The following EXOC6B variants were observed in gnomAD, a reference collection of about 807,000 sequenced individuals.
The protein encoded by EXOC6B is exocyst complex component 6B.
Under a neutral mutation model 113.5 loss-of-function variants are expected in EXOC6B, and 54 were observed. The ratio of observed to expected loss-of-function variants is 0.48; its 90% CI spans 0.38 to 0.60. The LOEUF is 0.60. Among genes scored for constraint, EXOC6B ranks in the 20% least tolerant of loss-of-function variants. The pLI is 0.00. For missense variants in EXOC6B, 797 were observed against 977.5 expected (o/e 0.82, Z 2.46); for synonymous variants, 357 against 339.0 (o/e 1.05, Z -0.58).
intron 18 of EXOC6B, among the ~76,000 whole-genome samples, chr2:72,387,309 T>A (rs1573009508): frequency 6.6e-6 from 1 of 152,174 alleles, no homozygotes; most frequent in African/African-American, 2.4e-5. Flanking sequence ...TCTTATATTG[T>A]CATTGTTTGA....
intron 20 of EXOC6B, among the ~76,000 whole-genome samples, chr2:72,216,620 C>T (rs1680552076): frequency 6.6e-6 from 1 of 152,152 alleles, no homozygotes; most frequent in Admixed American, 6.5e-5. Flanking sequence ...TATTGCAGCA[C>T]TATTCCAATA....
At chr2:72,780,270 C>A (rs570351946) in intron 1 of EXOC6B, among the ~76,000 whole-genome samples, 1 of 152,086 alleles carries the variant, frequency 6.6e-6, no homozygotes, top group African/African-American at 2.4e-5. Flanking sequence ...ACCTACAATA[C>A]AATGAATTTT....
intron 18 of EXOC6B, among the ~76,000 whole-genome samples, chr2:72,456,730 A>G (rs1015010956): frequency 6.6e-6 from 1 of 152,118 alleles, no homozygotes; most frequent in Non-Finnish European, 1.5e-5. Flanking sequence ...CTGGGATGAC[A>G]TATAACACAT....
At chr2:72,428,085 C>A (rs1412796453) in intron 18 of EXOC6B, among the ~76,000 whole-genome samples, 1 of 152,208 alleles carries the variant, frequency 6.6e-6, no homozygotes, top group Admixed American at 6.5e-5. Context: ...TAGATCTCCT[C>A]TGAGCTGTTC....
intron 20 of EXOC6B, among the ~76,000 whole-genome samples, chr2:72,263,885 C>T (rs763514438): frequency 1.5e-4 from 23 of 152,206 alleles, no homozygotes; most frequent in Non-Finnish European, 2.9e-4. Flanking sequence ...GCTTCTGCTA[C>T]AGGCACTATA....
chr2:72,516,011 C>A (rs542192399), intron 8 of EXOC6B, among the ~76,000 whole-genome samples: 7 of 152,078 alleles, frequency 4.6e-5, no homozygotes, highest in Non-Finnish European at 1.0e-4. Flanking sequence ...GATTGTTGAT[C>A]ACCAGCAGGC....
intron 17 of EXOC6B, among the ~76,000 whole-genome samples, chr2:72,474,172 T>C (rs1698586902): frequency 1.3e-5 from 2 of 152,166 alleles, no homozygotes; most frequent in Non-Finnish European, 2.9e-5. Flanking sequence ...AACTAGATGC[T>C]TTTCTCTTGC....
intron 8 of EXOC6B, among the ~76,000 whole-genome samples, chr2:72,551,519 T>A (rs1293910959): frequency 2.7e-4 from 34 of 127,354 alleles, no homozygotes; most frequent in African/African-American, 1.0e-3. Flanking sequence ...CTTTTTTTTT[T>A]TTTGAGACGG....
chr2:72,512,949 A>T (rs1336730058), intron 11 of EXOC6B, among the ~76,000 whole-genome samples, 183 bp downstream of exon 11: 2 of 152,130 alleles, frequency 1.3e-5, no homozygotes, highest in Non-Finnish European at 2.9e-5. Context: ...GGCTTCTATA[A>T]AAGTGAGCTC....
chr2:72,680,131 T>C (rs1676597043), intron 6 of EXOC6B, among the ~76,000 whole-genome samples: 1 of 152,102 alleles, frequency 6.6e-6, no homozygotes, highest in Non-Finnish European at 1.5e-5. Context: ...ATGCTAACAT[T>C]TGGGGAATCC....
At chr2:72,657,567 C>CTTTTTTTT (rs70963136) in intron 6 of EXOC6B, among the ~76,000 whole-genome samples, 867 of 50,356 alleles carry the variant, frequency 0.017, 103 homozygotes, top group African/African-American at 0.047. Flanking sequence ...CTTTCCTTTT[C>CTTTTTTTT]TTTTTTTTTT....
intron 1 of EXOC6B, among the ~76,000 whole-genome samples, chr2:72,805,305 C>T (rs771661489): frequency 1.2e-4 from 18 of 152,228 alleles, no homozygotes; most frequent in South Asian, 2.1e-4. Context: ...AGTCTGGTAA[C>T]GGACAAATTC....
chr2:72,743,740 T>C (rs1235852606), intron 1 of EXOC6B, among the ~76,000 whole-genome samples: 2 of 152,218 alleles, frequency 1.3e-5, no homozygotes, highest in Non-Finnish European at 2.9e-5. Context: ...CTCTTTGATT[T>C]CTGACATTTG....
chr2:72,636,538 G>A (rs1046745001), intron 6 of EXOC6B, among the ~76,000 whole-genome samples: 10 of 151,780 alleles, frequency 6.6e-5, no homozygotes, highest in Admixed American at 3.3e-4. Context: ...AGGCAGCGGC[G>A]GCAGCAGCCA....
chr2:72,180,736 A>C (rs999652492), intron 21 of EXOC6B, among the ~76,000 whole-genome samples: 16 of 152,146 alleles, frequency 1.1e-4, no homozygotes, highest in Non-Finnish European at 2.2e-4. Context: ...TTTGCAGAGG[A>C]GCAGATTAGA....
At chr2:72,444,762 A>G (rs989982247) in intron 18 of EXOC6B, among the ~76,000 whole-genome samples, 2 of 152,194 alleles carry the variant, frequency 1.3e-5, no homozygotes, top group Non-Finnish European at 2.9e-5. Context: ...GCAGGGCACC[A>G]AGTCCTTAGA....
intron 20 of EXOC6B, among the ~76,000 whole-genome samples, chr2:72,298,549 G>C (rs568021544): frequency 6.6e-6 from 1 of 152,244 alleles, no homozygotes; most frequent in African/African-American, 2.4e-5. Flanking sequence ...TGGTTATTTT[G>C]CCTGTTAGGT....
At chr2:72,630,638 T>C (rs868030688) in intron 6 of EXOC6B, among the ~76,000 whole-genome samples, 1 of 152,244 alleles carries the variant, frequency 6.6e-6, no homozygotes, top group Middle Eastern at 3.4e-3. Flanking sequence ...TTCCACATGA[T>C]ACAATAAATA....
intron 16 of EXOC6B, among the ~76,000 whole-genome samples, chr2:72,487,691 C>G (rs1052866984): frequency 6.6e-6 from 1 of 152,172 alleles, no homozygotes; most frequent in African/African-American, 2.4e-5. Flanking sequence ...TACTGGTCAA[C>G]TATGTTATAG....
Sources: allele counts gnomAD v4.1 joint callset (sites outside exome capture counted in the v4.1 genomes callset), GRCh38; gene constraint gnomAD v4.1.1; transcripts MANE v1.5; gene names NCBI Gene and HGNC (gene_info 2026-07-23, HGNC 2026-07-21).